DPP10: variants seen among roughly 807,000 people sequenced by gnomAD.
DPP10 encodes the protein inactive dipeptidyl peptidase 10.
Under a neutral mutation model 120.9 loss-of-function variants are expected in DPP10, and 33 were observed. That is an observed-to-expected ratio of 0.27 (90% CI 0.21 to 0.37). DPP10 has a LOEUF of 0.37. DPP10 is among the 10% of genes least tolerant of loss of function. The pLI, the probability that DPP10 is intolerant of heterozygous loss-of-function variation, is 1.00. For synonymous variants in DPP10, 337 were observed against 326.1 expected (o/e 1.03, Z -0.36); for missense variants, 816 against 942.8 (o/e 0.87, Z 1.76).
chr2:115,630,135 G>A (rs2085723024), intron 5 of DPP10, among the ~76,000 whole-genome samples: 1 of 152,058 alleles, frequency 6.6e-6, no homozygotes, highest in South Asian at 2.1e-4. Context: ...CTTGTTAGCT[G>A]TATTCCTAGG....
At chr2:114,497,183 G>A (rs575445712) in intron 1 of DPP10, among the ~76,000 whole-genome samples, 93 of 149,456 alleles carry the variant, frequency 6.2e-4, no homozygotes, top group African/African-American at 1.9e-3. Flanking sequence ...ACATGTGTAC[G>A]TGTATACATG....
intron 1 of DPP10, among the ~76,000 whole-genome samples, chr2:115,266,119 AC>A (rs1244900589): frequency 6.6e-6 from 1 of 152,172 alleles, no homozygotes; most frequent in Non-Finnish European, 1.5e-5. Flanking sequence ...TATCAGCAAG[AC>A]ATATTTTAGA....
chr2:115,178,919 T>C (rs2105124664), intron 1 of DPP10, among the ~76,000 whole-genome samples: 1 of 152,356 alleles, frequency 6.6e-6, no homozygotes, highest in Admixed American at 6.5e-5. Flanking sequence ...TTGTGGTTTC[T>C]ACTGGATGTG....
chr2:114,715,351 T>A (rs2105883302), intron 1 of DPP10, among the ~76,000 whole-genome samples: 1 of 152,282 alleles, frequency 6.6e-6, no homozygotes, highest in African/African-American at 2.4e-5. Flanking sequence ...GAAGGAAAAC[T>A]AATACTTTAT....
chr2:114,471,712 A>G lies in DPP10; in HGVS notation c.60+28874A>G, dbSNP rs548303198. Among the ~76,000 whole-genome samples, 29 of 152,282 alleles carry G rather than the reference A, an allele frequency of 1.9e-4. 1 individual carries two copies. The South Asian group carries it at 4.3e-3, about 23-fold the overall frequency. On this transcript the variant is annotated intron_variant, in intron 1 of 25. Transcript: ENST00000410059. ...AGTTTTAGTGCCTTTTGTGTCTCCT[A>G]TTGTCAACTTAAATGGTCTCACACA...
intron 1 of DPP10, among the ~76,000 whole-genome samples, chr2:114,443,880 T>G (rs905222061): frequency 2.6e-5 from 4 of 152,136 alleles, no homozygotes; most frequent in African/African-American, 9.7e-5. Context: ...TTGCATAGAC[T>G]GTAATTACAA....
intron 1 of DPP10, among the ~76,000 whole-genome samples, chr2:114,945,641 C>A (rs1040712553): frequency 6.6e-6 from 1 of 152,012 alleles, no homozygotes; most frequent in Admixed American, 6.6e-5. Flanking sequence ...ATGGCAAAAC[C>A]CTATCTCTAC....
intron 1 of DPP10, among the ~76,000 whole-genome samples, chr2:114,663,668 T>TATATATATAGAGAGAGAG: frequency 3.0e-4 from 24 of 80,710 alleles, no homozygotes; most frequent in East Asian, 1.4e-3. Flanking sequence ...TATATATATA[T>TATATATATAGAGAGAGAG]AGAGAGAGAG....
At chr2:115,311,008 A>G (rs1238577092) in intron 2 of DPP10, among the ~76,000 whole-genome samples, 1 of 152,216 alleles carries the variant, frequency 6.6e-6, no homozygotes, top group Non-Finnish European at 1.5e-5. Flanking sequence ...CAAAGACCAC[A>G]TAGAGTGAGG....
At chr2:114,791,111 A>C (rs779613244) in intron 1 of DPP10, among the ~76,000 whole-genome samples, 17 of 152,220 alleles carry the variant, frequency 1.1e-4, no homozygotes, top group Non-Finnish European at 1.6e-4. Context: ...GGGAGTAAAG[A>C]AATAAATTCA....
At chr2:114,510,081 G>A (rs1684004155) in intron 1 of DPP10, among the ~76,000 whole-genome samples, 1 of 152,214 alleles carries the variant, frequency 6.6e-6, no homozygotes, top group Non-Finnish European at 1.5e-5. Context: ...TAAGGAATAT[G>A]AAAAGACTCC....
chr2:115,449,259 A>C (rs1266661281), intron 3 of DPP10, among the ~76,000 whole-genome samples: 1 of 152,134 alleles, frequency 6.6e-6, no homozygotes, highest in East Asian at 1.9e-4. Context: ...TGAGAGAGCC[A>C]TGAGATCTGG....
At chr2:115,150,897 C>A (rs556003834) in intron 1 of DPP10, among the ~76,000 whole-genome samples, 1 of 152,160 alleles carries the variant, frequency 6.6e-6, no homozygotes, top group Non-Finnish European at 1.5e-5. Flanking sequence ...ATAAAATATA[C>A]CATTGATTTA....
At chr2:115,115,578 C>T (rs908486301) in intron 1 of DPP10, among the ~76,000 whole-genome samples, 3 of 152,194 alleles carry the variant, frequency 2.0e-5, no homozygotes, top group Non-Finnish European at 4.4e-5. Flanking sequence ...TAATCATTCC[C>T]ATCCATTATT....
chr2:115,158,703 G>A (rs745645961), intron 1 of DPP10, among the ~76,000 whole-genome samples: 1 of 152,092 alleles, frequency 6.6e-6, no homozygotes, highest in Non-Finnish European at 1.5e-5. Flanking sequence ...TTCCTTTACT[G>A]TTATATGAAT....
intron 1 of DPP10, among the ~76,000 whole-genome samples, chr2:114,687,618 G>T (rs1208212638): frequency 2.0e-5 from 3 of 151,872 alleles, no homozygotes; most frequent in Admixed American, 2.0e-4. Flanking sequence ...ATCCTAGATT[G>T]GATACTAAGA....
intron 3 of DPP10, among the ~76,000 whole-genome samples, chr2:115,454,500 A>T (rs1485496826): frequency 6.6e-6 from 1 of 151,822 alleles, no homozygotes; most frequent in African/African-American, 2.4e-5. Flanking sequence ...TGAACTCAAT[A>T]TACAGAAAAA....
chr2:115,111,952 G>A (rs572748480), intron 1 of DPP10, among the ~76,000 whole-genome samples: 2 of 152,282 alleles, frequency 1.3e-5, no homozygotes, highest in East Asian at 1.9e-4. Flanking sequence ...GCTGTGTGGT[G>A]TACATGTTTT....
intron 1 of DPP10, among the ~76,000 whole-genome samples, chr2:114,787,054 G>C (rs888173632): frequency 6.6e-6 from 1 of 152,184 alleles, no homozygotes; most frequent in Admixed American, 6.5e-5. Context: ...AGACAAAAAG[G>C]AGTGTCAGAT....
Sources: allele counts gnomAD v4.1 joint callset (sites outside exome capture counted in the v4.1 genomes callset), GRCh38; gene constraint gnomAD v4.1.1; transcripts MANE v1.5; gene names NCBI Gene and HGNC (gene_info 2026-07-23, HGNC 2026-07-21).